The following TANGO6 variants were observed in gnomAD, a reference collection of about 807,000 sequenced individuals.
The protein encoded by TANGO6 is transport and Golgi organization protein 6 homolog.
In TANGO6, 90 loss-of-function variants were observed where a neutral mutation model predicts 114.2. The ratio of observed to expected loss-of-function variants is 0.79; its 90% CI spans 0.66 to 0.94. TANGO6 has a LOEUF of 0.94. TANGO6 is among the 40% of genes least tolerant of loss of function. The probability of loss-of-function intolerance (pLI) is 0.00; values close to 1 mark genes in which losing one functional copy is unlikely to be tolerated. For synonymous variants in TANGO6, 477 were observed against 509.8 expected (o/e 0.94, Z 0.87); for missense variants, 1,274 against 1,315.3 (o/e 0.97, Z 0.49).
chr16:69,044,525 G>A (rs1003810902), intron 17 of TANGO6, among the ~76,000 whole-genome samples: 6 of 151,994 alleles, frequency 3.9e-5, no homozygotes, highest in Non-Finnish European at 8.8e-5. Context: ...AAGTATACTT[G>A]GCAAGGCATG....
chr16:68,924,512 G>T (rs1488867823), intron 12 of TANGO6, among the ~76,000 whole-genome samples: 1 of 150,784 alleles, frequency 6.6e-6, no homozygotes, highest in Non-Finnish European at 1.5e-5. Flanking sequence ...CCTCAGCTGG[G>T]CACGGTGGCT....
intron 14 of TANGO6, chr16:68,933,816 CA>C (rs1385645999): frequency 6.6e-6 from 1 of 152,210 alleles, no homozygotes; most frequent in Non-Finnish European, 1.5e-5. Context: ...AGTCACATAG[CA>C]AAGGGCATTG....
intron 15 of TANGO6, among the ~76,000 whole-genome samples, chr16:68,988,669 G>C (rs1963919019): frequency 7.0e-6 from 1 of 143,796 alleles, no homozygotes; most frequent in African/African-American, 2.5e-5. Flanking sequence ...TTGGTGAATA[G>C]TTAGAGTTTA....
chr16:69,003,223 G>A (rs1964060746), intron 15 of TANGO6, among the ~76,000 whole-genome samples: 1 of 152,116 alleles, frequency 6.6e-6, no homozygotes, highest in Admixed American at 6.5e-5. Flanking sequence ...CCAAAGAGAT[G>A]GCAAGCAGTT....
At chr16:68,919,487 C>T (rs1052533472) in intron 12 of TANGO6, among the ~76,000 whole-genome samples, 1 of 152,096 alleles carries the variant, frequency 6.6e-6, no homozygotes, top group African/African-American at 2.4e-5. Context: ...AACATCTAGC[C>T]TGGTGTTTTG....
intron 15 of TANGO6, among the ~76,000 whole-genome samples, chr16:68,980,417 A>G (rs1236015746): frequency 2.8e-5 from 1 of 35,292 alleles, no homozygotes; most frequent in Non-Finnish European, 7.3e-5. Context: ...CTCTATATAT[A>G]TATATATATA....
In TANGO6 at chr16:68,880,614, T is replaced by C. The variant is rs546152379; in HGVS notation, c.1361T>C (p.Ile454Thr). ...ACAGAAGAAGAACTTAGTAGATGCA[T>C]TGAGGATGTGTTTAAGGTTGGTAAT... is the stretch of plus-strand genomic sequence containing the variant. ...LVTEEELSRCIEDVFKVYVVG... is the reference protein window; with the variant it reads ...LVTEEELSRCTEDVFKVYVVG... The change falls in exon 7 of 18, where the codon ATT (isoleucine) becomes ACT (threonine). Residue 454 changes from isoleucine to threonine, a missense_variant. By Grantham distance (89) the Ile-to-Thr change is moderately conservative. Around this residue, in one of 5 missense-constraint regions of TANGO6, gnomAD observed 908 missense variants for 910.2 expected, o/e 1.00. Coordinates refer to ENST00000261778, the MANE Select transcript of TANGO6 (RefSeq NM_024562.2). 2 of 1,611,930 alleles carry C rather than the reference T, an allele frequency of 1.2e-6. No individual in the cohort carries two copies. The highest frequency in any genetic ancestry group is 1.3e-5 in the African/African-American group (1 of 74,950).
rs188375461 is a variant in TANGO6, at chr16:68,921,565, A to G, written c.2127+2346A>G. On this transcript the variant is annotated intron_variant, in intron 12 of 17. Coordinates refer to ENST00000261778, the MANE Select transcript of TANGO6 (RefSeq NM_024562.2). ...GTTTTGTTTTGTTTTTTTTTGGTTG[A>G]ATATTGATTTGAATAGTCTTTTTCC... Among the ~76,000 whole-genome samples, 16 of 145,950 alleles carry G rather than the reference A, an allele frequency of 1.1e-4. No individual in the cohort carries two copies. In the East Asian group the frequency reaches 2.8e-3, roughly 26 times the overall value.
In TANGO6 at chr16:69,074,798, C is replaced by CTGTGTGTG. The variant is rs60702668; in HGVS notation, c.3109-8653_3109-8646dup. Among the ~76,000 whole-genome samples, 300 of 135,232 alleles carry CTGTGTGTG rather than the reference C, an allele frequency of 2.2e-3. 1 individual carries two copies. Among genetic ancestry groups the CTGTGTGTG allele is most frequent in the East Asian group, 4.7e-3 (21 of 4,496 alleles). The allele number at this position is 135,232 out of a possible 152,430, so 88.7% of individuals were successfully genotyped here. ...AATGGAGTCACTCTGGTTCGAATGC[C>CTGTGTGTG]TGTGTGTGTGTGTGTGTGTGTGTGT... On this transcript the variant is annotated intron_variant, in intron 17 of 17. Transcript: ENST00000261778.
At position 68,918,697 on chromosome 16, in the gene TANGO6, G is replaced by A. The variant is rs80113683; in HGVS notation, c.1993-388G>A. ...CTCAGATTCTTCATTTCACAATGAG[G>A]ATAATAGTACTGACCTCATAGAGTT... On this transcript the variant is annotated intron_variant, in intron 11 of 17. Transcript: ENST00000261778. Among the ~76,000 whole-genome samples, 705 of 152,346 alleles carry A rather than the reference G, an allele frequency of 4.6e-3. 4 individuals are homozygous for A. The highest frequency in any genetic ancestry group is 0.016 in the African/African-American group (673 of 41,582).
chr16:68,992,695 C>A lies in TANGO6; in HGVS notation c.2842+18527C>A, dbSNP rs77860117. ...CCTTGTTTGCTTTTCAACAGAGATT[C>A]TTTGGAAATTACTCATCTTTCCAAG... is the stretch of plus-strand genomic sequence containing the variant. On this transcript the variant is annotated intron_variant, in intron 15 of 17. Transcript: ENST00000261778. 4.6e-3 allele frequency among the ~76,000 whole-genome samples: 708 copies of A among 152,272 alleles called. 5 individuals are homozygous for A. The highest frequency in any genetic ancestry group is 0.016 in the African/African-American group (676 of 41,560).
At chr16:69,064,269 T>G (rs1315760902) in intron 17 of TANGO6, among the ~76,000 whole-genome samples, 1 of 152,158 alleles carries the variant, frequency 6.6e-6, no homozygotes, top group African/African-American at 2.4e-5. Flanking sequence ...TTTTTGGCCT[T>G]TGATCCTACT....
chr16:68,958,208 A>G (rs764922762), intron 14 of TANGO6, among the ~76,000 whole-genome samples: 5 of 150,574 alleles, frequency 3.3e-5, no homozygotes, highest in Admixed American at 6.6e-5. Context: ...AATTCAGTGT[A>G]TGAGCCGGGT....
intron 17 of TANGO6, among the ~76,000 whole-genome samples, chr16:69,054,087 G>A (rs1959995063): frequency 6.6e-6 from 1 of 151,982 alleles, no homozygotes. Flanking sequence ...AAAGAATCTT[G>A]GTCTCCCATA....
At chr16:68,999,319 T>C (rs550063870) in intron 15 of TANGO6, among the ~76,000 whole-genome samples, 2 of 152,300 alleles carry the variant, frequency 1.3e-5, no homozygotes, top group African/African-American at 2.4e-5. Context: ...GAAAGTGACA[T>C]TTTTTACTTA....
rs750801248 is a variant in TANGO6 at position 69,040,342 on chromosome 16, A to G, written c.3029A>G (p.Asp1010Gly). Residue 1010 changes from aspartate to glycine, a missense_variant, in exon 17 of 18, where the codon GAT (aspartate) becomes GGT (glycine). Transcript: ENST00000261778. ...TGCCTGATTGCTGTGGCCAAAACAG[A>G]TGGTGAAGTTCAAGTACGCAGAGCT... The part of the protein sequence containing the change: ...TACLIAVAKT[D>G]GEVQVRRAAI... 3 of 1,609,168 alleles carry G rather than the reference A, an allele frequency of 1.9e-6. No homozygotes were observed. Among genetic ancestry groups the G allele is most frequent in the South Asian group, 2.2e-5 (2 of 89,512 alleles).
intron 15 of TANGO6, among the ~76,000 whole-genome samples, chr16:68,976,029 C>A (rs890442046): frequency 1.3e-5 from 2 of 152,034 alleles, no homozygotes; most frequent in African/African-American, 4.8e-5. Context: ...TGACCTCTTA[C>A]GCTCAAGGTA....
chr16:68,968,930 A>G lies in TANGO6; in HGVS notation c.2702-5098A>G, dbSNP rs374484629. Among the ~76,000 whole-genome samples, 9 of 152,234 alleles carry G rather than the reference A, an allele frequency of 5.9e-5. 1 individual carries two copies. The highest frequency in any genetic ancestry group is 2.0e-4 in the Admixed American group (3 of 15,288). Reference sequence around the variant, plus strand: ...TGTGATCCGCCCGCCTCGGCCTCCCAAAGTGCTGGGATTACAGGCATGAGC... The same window carrying G: ...TGTGATCCGCCCGCCTCGGCCTCCCGAAGTGCTGGGATTACAGGCATGAGC... On this transcript the variant is annotated intron_variant, in intron 14 of 17. Coordinates refer to ENST00000261778, the MANE Select transcript of TANGO6 (RefSeq NM_024562.2).
rs755154540 is a variant in TANGO6 at position 68,878,198 on chromosome 16, G to A, written c.1212G>A (p.Leu404=). 9.9e-6 allele frequency: 16 copies of A among 1,613,128 alleles called. No individual in the cohort carries two copies. Among genetic ancestry groups the A allele is most frequent in the African/African-American group, 2.7e-5 (2 of 74,872 alleles). Residue 404 remains leucine, a synonymous_variant, in exon 6 of 18, where the codon TTG becomes TTA. Coordinates refer to ENST00000261778, the MANE Select transcript of TANGO6 (RefSeq NM_024562.2). The part of the protein sequence containing the change: ...QRVATTTFIT[L]SRERPHLAAK... ...TTGCCACCACTACCTTTATAACTTT[G>A]TCAAGAGAACGCCCACATTTGGCAG...
Sources: allele counts gnomAD v4.1 joint callset (sites outside exome capture counted in the v4.1 genomes callset), GRCh38; gene constraint gnomAD v4.1.1; regional missense constraint gnomAD v4.1.1; transcripts MANE v1.5; gene names NCBI Gene and HGNC (gene_info 2026-07-23, HGNC 2026-07-21).